The following EMILIN3 variants were observed in gnomAD, a reference collection of about 807,000 sequenced individuals.
The protein encoded by EMILIN3 is elastin microfibril interfacer 3.
A neutral mutation model predicts 42.8 loss-of-function variants in EMILIN3; 38 were observed. That is an observed-to-expected ratio of 0.89 (90% confidence interval 0.69 to 1.16). The LOEUF (loss-of-function observed/expected upper bound fraction) is 1.16. EMILIN3 is among the 50% of genes most tolerant of loss of function. The pLI, the probability that EMILIN3 is intolerant of heterozygous loss-of-function variation, is 0.00. For missense variants in EMILIN3, 924 were observed against 999.5 expected, an observed-to-expected ratio of 0.92 and a Z score of 1.02; for synonymous variants, 430 against 440.5, an observed-to-expected ratio of 0.98 and a Z score of 0.30.
rs2046365462 is a variant in EMILIN3 at position 41,362,134 on chromosome 20, C to A, written c.1435G>T (p.Glu479Ter). Reference protein sequence around the residue: ...MLEERVQSLEERLATLAGELS... With the variant: ...MLEERVQSLE ...TCCCCAGCCAATGTTGCTAGGCGCT[C>A]CTCGAGGCTCTGCACGCGCTCTTCC... Residue 479 changes from glutamate (E) to a stop codon, truncating the protein, a stop_gained, in exon 4 of 4, where the codon GAG becomes TAG. Coordinates refer to ENST00000332312, the MANE Select transcript of EMILIN3 (RefSeq NM_052846.2). LOFTEE classifies it high-confidence loss of function. 1 of 1,607,490 alleles carries A rather than the reference C, an allele frequency of 6.2e-7. No individual in the cohort carries two copies. The highest frequency in any genetic ancestry group is 1.1e-5 in the South Asian group (1 of 90,506).
intron 1 of EMILIN3, among the ~76,000 whole-genome samples, chr20:41,365,468 C>A (rs918817181): frequency 6.6e-6 from 1 of 152,284 alleles, no homozygotes; most frequent in Admixed American, 6.5e-5. Context: ...CTGCCACACC[C>A]CCCCATCCTT....
rs1202302671 is a variant in EMILIN3, at chr20:41,362,915, C to T, written c.654G>A (p.Arg218=). Residue 218 remains arginine, a synonymous_variant, in exon 4 of 4, where the codon AGG becomes AGA. Coordinates refer to ENST00000332312, the MANE Select transcript of EMILIN3 (RefSeq NM_052846.2). ...CAAAGCCCACAGGGACAGCAGGAGCCCTGGGGCCACCAGTCATCCTGTTGG... is the reference window on the plus strand; with the variant it reads ...CAAAGCCCACAGGGACAGCAGGAGCTCTGGGGCCACCAGTCATCCTGTTGG... The part of the protein sequence containing the change: ...EDPNRMTGGP[R]APAVPVGFGV... The T allele has an allele frequency of 6.2e-7, 1 of 1,613,680 alleles. No homozygotes were observed. The highest frequency in any genetic ancestry group is 1.7e-5 in the Admixed American group (1 of 60,024).
Position 41,362,571 on chromosome 20 carries a change from C to T in EMILIN3, c.998G>A (p.Arg333Gln), listed in dbSNP as rs541940749. ...LQGVQSECDL[R>Q]VQEVRRQCEE... Reference sequence around the variant, plus strand: ...ACATTGCCGCCGTACCTCCTGCACCCGCAGGTCACACTCACTCTGGACGCC... The same window carrying T: ...ACATTGCCGCCGTACCTCCTGCACCTGCAGGTCACACTCACTCTGGACGCC... The change falls in exon 4 of 4, where the codon CGG (arginine) becomes CAG (glutamine). Residue 333 changes from arginine (R) to glutamine (Q), a missense_variant. By Grantham distance (43) the Arg-to-Gln change is conservative. Coordinates refer to ENST00000332312, the MANE Select transcript of EMILIN3 (RefSeq NM_052846.2). The T allele has an allele frequency of 6.2e-6, 10 of 1,600,342 alleles. No homozygotes were observed. The highest frequency in any genetic ancestry group is 2.2e-5 in the East Asian group (1 of 44,778).
In EMILIN3 at chr20:41,365,084, C is replaced by G; in HGVS notation, c.241G>C (p.Ala81Pro). Residue 81 changes from alanine (A) to proline (P), a missense_variant, in exon 2 of 4, where the codon GCT (alanine) becomes CCT (proline). Physicochemically the swap from Ala to Pro is conservative, Grantham distance 27 (BLOSUM62 -1). Transcript: ENST00000332312. Reference sequence around the variant, plus strand: ...CCCCATCTACACTGCCGGTATTCAGCCTTTACGTAGCTCTCCGCTCCCTCC... The same window carrying G: ...CCCCATCTACACTGCCGGTATTCAGGCTTTACGTAGCTCTCCGCTCCCTCC... ...LQEGAESYVK[A>P]EYRQCRWGPK... The G allele has an allele frequency of 6.2e-7, 1 of 1,614,042 alleles. No homozygotes were observed. The highest frequency in any genetic ancestry group is 8.5e-7 in the Non-Finnish European group (1 of 1,179,962).
intron 1 of EMILIN3, 126 bp from the exon 2 acceptor site, chr20:41,365,283 C>T (rs2046388224): frequency 1.5e-6 from 2 of 1,372,412 alleles, no homozygotes; most frequent in South Asian, 2.9e-5. Context: ...TGTCTGTTCT[C>T]TGTGTCCCTG....
rs1034027819 is a variant in EMILIN3, at chr20:41,360,518, T to C, written c.*750A>G. The C allele has an allele frequency of 6.5e-6, 1 of 152,712 alleles. No individual in the cohort carries two copies. Among genetic ancestry groups the C allele is most frequent in the African/African-American group, 2.4e-5 (1 of 41,462 alleles). The allele number at this position is 152,712 out of a possible 1,614,324, so 9.5% of individuals were successfully genotyped here. ...CCTGGATTCCGTTCTTTCCTGGGGT[T>C]CTACAGCTGCCTAAGCCCTCACCTT... On this transcript the variant is annotated 3_prime_UTR_variant, in exon 4 of 4. Coordinates refer to ENST00000332312, the MANE Select transcript of EMILIN3 (RefSeq NM_052846.2).
rs1436406897 is a variant in EMILIN3, at chr20:41,362,801, T to C, written c.768A>G (p.Thr256=). The change falls in exon 4 of 4, where the codon ACA becomes ACG. Residue 256 remains threonine, a synonymous_variant. Coordinates refer to ENST00000332312, the MANE Select transcript of EMILIN3 (RefSeq NM_052846.2). ...TGGTCTGAAGAGTGTTGCTCACCTC[T>C]GTCACCTTGCTTAGGATCTCGTCTA... ...PPLDEILSKV[T]EVSNTLQTKV... is the part of the protein sequence containing the mutation. 3.1e-6 allele frequency: 5 copies of C among 1,614,202 alleles called. No homozygotes were observed. Among genetic ancestry groups the C allele is most frequent in the Non-Finnish European group, 4.2e-6 (5 of 1,180,038 alleles).
rs1215999549 is a variant in EMILIN3, at chr20:41,363,005, A to G, written c.564T>C (p.Gly188=). The change falls in exon 4 of 4, where the codon GGT becomes GGC. Residue 188 remains glycine (G), a synonymous_variant. Coordinates refer to ENST00000332312, the MANE Select transcript of EMILIN3 (RefSeq NM_052846.2). ...ATGTTTGAGCCAGGCGCTGGACATC[A>G]CCCTCCAGGCGTTCCAGCCGCTCAC... is the stretch of plus-strand genomic sequence containing the variant. ...LFGERLERLE[G]DVQRLAQTYG... 9.3e-6 allele frequency: 15 copies of G among 1,604,584 alleles called. No homozygotes were observed. Among genetic ancestry groups the G allele is most frequent in the Admixed American group, 5.0e-5 (3 of 59,698 alleles).
At position 41,361,434 on chromosome 20, in the gene EMILIN3, C is replaced by A. The variant is rs1260710431; in HGVS notation, c.2135G>T (p.Ser712Ile). Reference sequence around the variant, plus strand: ...GGGCCTCAGTGGCTCAGTGGGCAAGCTGTCCAGGCCCGCGGCCAGCAGGCC... The same window carrying A: ...GGGCCTCAGTGGCTCAGTGGGCAAGATGTCCAGGCCCGCGGCCAGCAGGCC... ...RLGLLAAGLD[S>I]LPTEPLRPRE... Residue 712 changes from serine to isoleucine, a missense_variant, in exon 4 of 4, where the codon AGC becomes ATC. Transcript: ENST00000332312. The A allele has an allele frequency of 6.2e-7, 1 of 1,607,784 alleles. No individual in the cohort carries two copies. The highest frequency in any genetic ancestry group is 8.5e-7 in the Non-Finnish European group (1 of 1,176,444).
chr20:41,363,323 A>G (rs930222262), intron 3 of EMILIN3, among the ~76,000 whole-genome samples: 1 of 151,930 alleles, frequency 6.6e-6, no homozygotes, highest in African/African-American at 2.4e-5. Flanking sequence ...TTCTATCTTT[A>G]GTAGAGATGG....
intron 1 of EMILIN3, among the ~76,000 whole-genome samples, chr20:41,365,941 C>T (rs561569935): frequency 2.0e-5 from 3 of 151,584 alleles, no homozygotes; most frequent in Non-Finnish European, 3.0e-5. Context: ...AGCACAGGCC[C>T]GGAGCCAGGA....
intron 2 of EMILIN3, among the ~76,000 whole-genome samples, chr20:41,364,092 C>T (rs1343931850): frequency 6.6e-6 from 1 of 152,170 alleles, no homozygotes; most frequent in Admixed American, 6.5e-5. Context: ...AGAAGTCCCA[C>T]CCATCCTGGT....
chr20:41,366,421 G>C lies in EMILIN3; in HGVS notation c.167+47C>G. The C allele has an allele frequency of 9.1e-7, 1 of 1,093,908 alleles. No homozygotes were observed. Among genetic ancestry groups the C allele is most frequent in the Non-Finnish European group, 1.1e-6 (1 of 899,334 alleles). The allele number at this position is 1,093,908 out of a possible 1,614,324, so 67.8% of individuals were successfully genotyped here. Reference sequence around the variant, plus strand: ...CGGGCAGGTGGGAGCGGCGACGCGCGCGGGCCCATCCCTCCCTCTTCCCGC... The same window carrying C: ...CGGGCAGGTGGGAGCGGCGACGCGCCCGGGCCCATCCCTCCCTCTTCCCGC... On this transcript the variant is annotated intron_variant, in intron 1 of 3. Transcript: ENST00000332312. This position sits in a 1 kb window ranked among gnomAD's most constrained non-coding sequence, Gnocchi z 4.2.
chr20:41,363,578 C>T (rs1242748623), intron 3 of EMILIN3, 60 bp downstream of exon 3: 3 of 1,495,886 alleles, frequency 2.0e-6, no homozygotes, highest in East Asian at 4.6e-5. Flanking sequence ...CCCCTCCCTG[C>T]CCCTGCCACT....
In EMILIN3 at chr20:41,362,260, C is replaced by T; in HGVS notation, c.1309G>A (p.Glu437Lys). 6.2e-7 allele frequency: 1 copy of T among 1,613,944 alleles called. No individual in the cohort carries two copies. The highest frequency in any genetic ancestry group is 1.6e-4 in the Middle Eastern group (1 of 6,062). The change falls in exon 4 of 4, where the codon GAG (glutamate) becomes AAG (lysine). Residue 437 changes from glutamate (E) to lysine (K), a missense_variant. Glu to Lys is a moderately conservative substitution (Grantham distance 56, BLOSUM62 1). Transcript: ENST00000332312. ...MLEGGVDGLL[E>K]GLETLNGTEG... ...GTCCCATTGAGCGTCTCCAGACCCT[C>T]AAGCAGCCCGTCCACACCTCCCTCG... is the stretch of plus-strand genomic sequence containing the variant.
rs1480260482 is a variant in EMILIN3, at chr20:41,360,542, T to C, written c.*726A>G. 6.6e-6 allele frequency: 1 copy of C among 152,638 alleles called. No individual in the cohort carries two copies. The highest frequency in any genetic ancestry group is 2.1e-4 in the South Asian group (1 of 4,828). 9.5% of individuals were successfully genotyped at this position (152,638 alleles called of 1,614,324 possible). On this transcript the variant is annotated 3_prime_UTR_variant, in exon 4 of 4. Transcript: ENST00000332312. Reference sequence around the variant, plus strand: ...TTCTACAGCTGCCTAAGCCCTCACCTTGGGGGAGGATCAAAGGGAATAAAG... The same window carrying C: ...TTCTACAGCTGCCTAAGCCCTCACCCTGGGGGAGGATCAAAGGGAATAAAG...
rs1429910027 is a variant in EMILIN3 at position 41,363,022 on chromosome 20, G to C, written c.547C>G (p.Leu183Val). ...RKGPGLFGER[L>V]ERLEGDVQRL... is the part of the protein sequence containing the mutation. ...TGGACATCACCCTCCAGGCGTTCCA[G>C]CCGCTCACCAAACAGCCCTGGGCCT... Residue 183 changes from leucine (L) to valine (V), a missense_variant, in exon 4 of 4, where the codon CTG (leucine) becomes GTG (valine). Leu to Val is a conservative substitution (Grantham distance 32). Transcript: ENST00000332312. 5 of 1,598,410 alleles carry C rather than the reference G, an allele frequency of 3.1e-6. No individual in the cohort carries two copies. Among genetic ancestry groups the C allele is most frequent in the Non-Finnish European group, 4.3e-6 (5 of 1,169,182 alleles).
Position 41,366,695 on chromosome 20 carries a change from G to C in EMILIN3, c.-61C>G. The C allele has an allele frequency of 1.0e-6, 1 of 958,082 alleles. No individual in the cohort carries two copies. The highest frequency in any genetic ancestry group is 1.2e-6 in the Non-Finnish European group (1 of 807,102). The allele number at this position is 958,082 out of a possible 1,614,324, so 59.3% of individuals were successfully genotyped here. On this transcript the variant is annotated 5_prime_UTR_variant, in exon 1 of 4. Coordinates refer to ENST00000332312, the MANE Select transcript of EMILIN3 (RefSeq NM_052846.2). The surrounding 1 kb of genome is among the most constrained non-coding windows in gnomAD (Gnocchi z 4.2). ...GCCCCCCGCCGGGTGTCCGCCTGCA[G>C]CGCCGCGCCGCCCCCGCCGCTGGTC...
Position 41,366,564 on chromosome 20 carries a change from C to G in EMILIN3, c.71G>C (p.Gly24Ala). Reference protein sequence around the residue: ...AALLSGAQARGTPLLARPAPP... With the variant: ...AALLSGAQARATPLLARPAPP... ...CGCAGGCCGCGCCAGGAGCGGGGTGCCCCTGGCCTGCGCCCCCGAGAGCAG... is the reference window on the plus strand; with the variant it reads ...CGCAGGCCGCGCCAGGAGCGGGGTGGCCCTGGCCTGCGCCCCCGAGAGCAG... Residue 24 changes from glycine (G) to alanine (A), a missense_variant, in exon 1 of 4, where the codon GGC becomes GCC. Gly to Ala is a moderately conservative substitution (Grantham distance 60, BLOSUM62 0). Transcript: ENST00000332312. The surrounding 1 kb of genome is among the most constrained non-coding windows in gnomAD (Gnocchi z 4.2). The G allele has an allele frequency of 1.8e-6, 2 of 1,133,238 alleles. No homozygotes were observed. Among genetic ancestry groups the G allele is most frequent in the Non-Finnish European group, 2.2e-6 (2 of 926,738 alleles). The allele number at this position is 1,133,238 out of a possible 1,614,324, so 70.2% of individuals were successfully genotyped here. A position where few individuals can be genotyped will look rare whatever the true frequency, so the allele number is the denominator to read the frequency against.
Sources: gnomAD v4.1 joint callset for allele counts (sites outside exome capture counted in the v4.1 genomes callset) on GRCh38, gnomAD v4.1.1 for gene constraint, Gnocchi (gnomAD v3.1) non-coding constraint, MANE v1.5 for transcripts, NCBI Gene and HGNC (gene_info 2026-07-23, HGNC 2026-07-21) for gene names.